Variants in DIRAS3 observed in about 807,000 individuals in gnomAD.
DIRAS3 encodes the protein GTP-binding protein Di-Ras3.
For missense variants in DIRAS3, 248 were observed against 300.6 expected, an observed-to-expected ratio of 0.83 and a Z score of 1.29; for synonymous variants, 133 against 131.4, an observed-to-expected ratio of 1.01 and a Z score of -0.08.
rs963127067 is a variant in DIRAS3, at chr1:68,046,102, C to T, written c.*506G>A. On this transcript the variant is annotated 3_prime_UTR_variant, in exon 2 of 2. Coordinates refer to ENST00000646789, the MANE Select transcript of DIRAS3 (RefSeq NM_004675.5). ...AGTCACTTTCACAATTTTCTCTGCTCCCACACCCCTAATGATCAACATATT... is the reference window on the plus strand; with the variant it reads ...AGTCACTTTCACAATTTTCTCTGCTTCCACACCCCTAATGATCAACATATT... The T allele has an allele frequency of 2.0e-5, 3 of 153,400 alleles. No homozygotes were observed. Among genetic ancestry groups the T allele is most frequent in the Non-Finnish European group, 2.9e-5 (2 of 68,974 alleles). The allele number at this position is 153,400 out of a possible 1,614,324, so 9.5% of individuals were successfully genotyped here.
rs759605194 is a variant in DIRAS3, at chr1:68,046,845, G to A, written c.453C>T (p.Gly151=). 4.3e-6 allele frequency: 7 copies of A among 1,614,110 alleles called. No homozygotes were observed. In the South Asian group the frequency reaches 5.5e-5, roughly 13 times the overall value. ...CCCGGTGGGTGTCATCACTTTTATT[G>A]CCCACCAGCACGATGGGGAACTTAT... is the stretch of plus-strand genomic sequence containing the variant. ...NLHKFPIVLV[G]NKSDDTHREV... Residue 151 remains glycine (G), a synonymous_variant, in exon 2 of 2, where the codon GGC becomes GGT. Coordinates refer to ENST00000646789, the MANE Select transcript of DIRAS3 (RefSeq NM_004675.5).
At position 68,046,546 on chromosome 1, in the gene DIRAS3, A is replaced by T; in HGVS notation, c.*62T>A. 1 of 1,472,768 alleles carries T rather than the reference A, an allele frequency of 6.8e-7. No individual in the cohort carries two copies. The highest frequency in any genetic ancestry group is 9.3e-7 in the Non-Finnish European group (1 of 1,080,756). 91.2% of individuals were successfully genotyped at this position (1,472,768 alleles called of 1,614,324 possible). ...TCAACCATGTACATGTAACATAGTG[A>T]AATGAGTCCACGTTTTCTACACGCT... On this transcript the variant is annotated 3_prime_UTR_variant, in exon 2 of 2. Transcript: ENST00000646789.
intron 1 of DIRAS3, 99 bp from the exon 2 acceptor site, chr1:68,047,461 A>G: frequency 3.1e-6 from 2 of 653,750 alleles, no homozygotes; most frequent in Non-Finnish European, 5.2e-6. Flanking sequence ...CTCTGAAGAG[A>G]GTCCACCCTG....
At position 68,047,043 on chromosome 1, in the gene DIRAS3, A is replaced by C. The variant is rs746337044; in HGVS notation, c.255T>G (p.Leu85=). The change falls in exon 2 of 2, where the codon CTT becomes CTG. Residue 85 remains leucine, a synonymous_variant. Coordinates refer to ENST00000646789, the MANE Select transcript of DIRAS3 (RefSeq NM_004675.5). ...CQLLGCSHGV[L]SLHITDSKSG... ...TCTTGCTGTCGGTGATGTGCAGGGA[A>C]AGCACACCGTGGCTGCAGCCCAGCA... The C allele has an allele frequency of 6.2e-7, 1 of 1,614,156 alleles. No individual in the cohort carries two copies. Among genetic ancestry groups the C allele is most frequent in the South Asian group, 1.1e-5 (1 of 91,078 alleles).
Position 68,047,180 on chromosome 1 carries a change from C to G in DIRAS3, c.118G>C (p.Val40Leu). ...ACACCAGCGGTGCCGACTACCACGA[C>G]GCGGTAATCTCTGATCTTCCTGTGG... ...KPHRKIRDYR[V>L]VVVGTAGVGK... is the part of the protein sequence containing the mutation. The change falls in exon 2 of 2, where the codon GTC (valine) becomes CTC (leucine). Residue 40 changes from valine (V) to leucine (L), a missense_variant. Coordinates refer to ENST00000646789, the MANE Select transcript of DIRAS3 (RefSeq NM_004675.5). The G allele has an allele frequency of 6.2e-7, 1 of 1,614,168 alleles. No individual in the cohort carries two copies. The highest frequency in any genetic ancestry group is 8.5e-7 in the Non-Finnish European group (1 of 1,180,034).
intron 1 of DIRAS3, among the ~76,000 whole-genome samples, chr1:68,047,638 T>G (rs1341713836): frequency 6.6e-6 from 1 of 152,042 alleles, no homozygotes; most frequent in African/African-American, 2.4e-5. Context: ...CTTAAACTGT[T>G]TTATTAAATT....
chr1:68,047,145 A>G lies in DIRAS3; in HGVS notation c.153T>C (p.Ser51=). The G allele has an allele frequency of 6.2e-7, 1 of 1,614,168 alleles. No individual in the cohort carries two copies. The highest frequency in any genetic ancestry group is 1.1e-5 in the South Asian group (1 of 91,074). The change falls in exon 2 of 2, where the codon AGT becomes AGC. Residue 51 remains serine (S), a synonymous_variant. Coordinates refer to ENST00000646789, the MANE Select transcript of DIRAS3 (RefSeq NM_004675.5). ...CGCTCGCCCACTTGTGCAGCAGCGTACTTTTCCCCACACCAGCGGTGCCGA... is the reference window on the plus strand; with the variant it reads ...CGCTCGCCCACTTGTGCAGCAGCGTGCTTTTCCCCACACCAGCGGTGCCGA... ...VVVGTAGVGK[S]TLLHKWASGN...
In DIRAS3 at chr1:68,046,890, C is replaced by T; in HGVS notation, c.408G>A (p.Lys136=). The part of the protein sequence containing the change: ...ELKAFYELIC[K]IKGNNLHKFP... The stretch of plus-strand genomic sequence containing the variant: ...ACTTATGCAGGTTGTTACCTTTGAT[C>T]TTGCAGATCAGCTCATAGAAGGCCT... Residue 136 remains lysine (K), a synonymous_variant, in exon 2 of 2, where the codon AAG becomes AAA. Transcript: ENST00000646789. 1 of 1,614,190 alleles carries T rather than the reference C, an allele frequency of 6.2e-7. No individual in the cohort carries two copies. Among genetic ancestry groups the T allele is most frequent in the Admixed American group, 1.7e-5 (1 of 60,028 alleles).
At position 68,050,112 on chromosome 1, in the gene DIRAS3, A is replaced by C. The variant is rs1645719088; in HGVS notation, c.-66+436T>G. Reference sequence around the variant, plus strand: ...GTCCCGCCGCTGCTGTTGCGGCACCAGCCTGGCTCATGGACATCACCACGC... The same window carrying C: ...GTCCCGCCGCTGCTGTTGCGGCACCCGCCTGGCTCATGGACATCACCACGC... On this transcript the variant is annotated intron_variant, in intron 1 of 1. Transcript: ENST00000646789. This position sits in a 1 kb window ranked among gnomAD's most constrained non-coding sequence, Gnocchi z 4.5. Among the ~76,000 whole-genome samples, 1 of 152,172 alleles carries C rather than the reference A, an allele frequency of 6.6e-6. No homozygotes were observed. Among genetic ancestry groups the C allele is most frequent in the Non-Finnish European group, 1.5e-5 (1 of 68,028 alleles).
intron 1 of DIRAS3, among the ~76,000 whole-genome samples, chr1:68,048,034 A>AG (rs1173984174): frequency 3.4e-5 from 2 of 59,216 alleles, no homozygotes; most frequent in African/African-American, 1.6e-4. Flanking sequence ...AAAAAAAAAA[A>AG]AAAAAAAAAA....
rs1645683601 is a variant in DIRAS3, at chr1:68,047,291, T to C, written c.7A>G (p.Asn3Asp). Residue 3 changes from asparagine (N) to aspartate (D), a missense_variant, in exon 2 of 2, where the codon AAC becomes GAC. Transcript: ENST00000646789. ...TGTTCCTTGGAGCCAAAGCTGGCGT[T>C]ACCCATCGTTGGGATTCGGAGGGGA... is the stretch of plus-strand genomic sequence containing the variant. MG[N>D]ASFGSKEQKL... 6.2e-7 allele frequency: 1 copy of C among 1,612,534 alleles called. No homozygotes were observed. The highest frequency in any genetic ancestry group is 8.5e-7 in the Non-Finnish European group (1 of 1,179,032).
chr1:68,049,342 G>C (rs1395072212), intron 1 of DIRAS3: 2 of 152,232 alleles, frequency 1.3e-5, no homozygotes, highest in African/African-American at 4.8e-5. Context: ...GATGTGGTTA[G>C]TTGATATCAT....
intron 1 of DIRAS3, among the ~76,000 whole-genome samples, chr1:68,048,049 A>AAATATAT (rs1553173941): frequency 8.2e-4 from 6 of 7,274 alleles, no homozygotes; most frequent in Non-Finnish European, 1.2e-3. Flanking sequence ...AAAAAAAAAA[A>AAATATAT]ATATATATAT....
At chr1:68,048,745 G>GT (rs377137365) in intron 1 of DIRAS3, among the ~76,000 whole-genome samples, 2,618 of 109,712 alleles carry the variant, frequency 0.024, 31 homozygotes, top group Middle Eastern at 0.059. Context: ...TTTTTTTTTT[G>GT]TTTTTTTTTT....
chr1:68,048,256 T>C (rs1645699125), intron 1 of DIRAS3, among the ~76,000 whole-genome samples: 1 of 151,632 alleles, frequency 6.6e-6, no homozygotes, highest in African/African-American at 2.4e-5. Flanking sequence ...GTCAATGAAC[T>C]TTTTGAGTTC....
intron 1 of DIRAS3, among the ~76,000 whole-genome samples, chr1:68,047,866 T>C (rs571660639): frequency 6.8e-6 from 1 of 147,886 alleles, no homozygotes; most frequent in Admixed American, 6.7e-5. Context: ...GTATCAGTGG[T>C]GTGGGATGTA....
chr1:68,047,206 G>A lies in DIRAS3; in HGVS notation c.92C>T (p.Pro31Leu), dbSNP rs1279227921. 3 of 1,614,126 alleles carry A rather than the reference G, an allele frequency of 1.9e-6. No individual in the cohort carries two copies. Among genetic ancestry groups the A allele is most frequent in the Non-Finnish European group, 1.7e-6 (2 of 1,180,038 alleles). The change falls in exon 2 of 2, where the codon CCC (proline) becomes CTC (leucine). Residue 31 changes from proline to leucine, a missense_variant. Transcript: ENST00000646789. ...GCGGTAATCTCTGATCTTCCTGTGG[G>A]GCTTGAAGGCGCGGAGGATAAGCAG... is the stretch of plus-strand genomic sequence containing the variant. Reference protein sequence around the residue: ...PALLILRAFKPHRKIRDYRVV... With the variant: ...PALLILRAFKLHRKIRDYRVV...
chr1:68,050,594 C>G lies in DIRAS3; in HGVS notation c.-112G>C, dbSNP rs1305702158. 3 of 152,252 alleles carry G rather than the reference C, an allele frequency of 2.0e-5. No individual in the cohort carries two copies. The highest frequency in any genetic ancestry group is 4.4e-5 in the Non-Finnish European group (3 of 68,052). The allele number at this position is 152,252 out of a possible 1,614,324, so 9.4% of individuals were successfully genotyped here. A position where few individuals can be genotyped will look rare whatever the true frequency, so the allele number is the denominator to read the frequency against. On this transcript the variant is annotated 5_prime_UTR_variant, in exon 1 of 2. Coordinates refer to ENST00000646789, the MANE Select transcript of DIRAS3 (RefSeq NM_004675.5). This position sits in a 1 kb window ranked among gnomAD's most constrained non-coding sequence, Gnocchi z 4.5. ...AGCAGCCTAGAAGACAAATGCGCTG[C>G]TCGGAGAGACTGCCGCGGCAACCAA...
Position 68,047,331 on chromosome 1 carries a change from T to G in DIRAS3, c.-34A>C. The G allele has an allele frequency of 6.3e-7, 1 of 1,584,968 alleles. No individual in the cohort carries two copies. The highest frequency in any genetic ancestry group is 8.6e-7 in the Non-Finnish European group (1 of 1,160,368). ...TTCGGAGGGGAGATACGTGCACAAG[T>G]TCTCCCACACTTAGCTGGCAGCAGG... is the stretch of plus-strand genomic sequence containing the variant. On this transcript the variant is annotated 5_prime_UTR_variant, in exon 2 of 2. Coordinates refer to ENST00000646789, the MANE Select transcript of DIRAS3 (RefSeq NM_004675.5).
Sources: gnomAD v4.1 joint callset for allele counts (sites outside exome capture counted in the v4.1 genomes callset) on GRCh38, gnomAD v4.1.1 for gene constraint, Gnocchi (gnomAD v3.1) non-coding constraint, MANE v1.5 for transcripts, NCBI Gene and HGNC (gene_info 2026-07-23, HGNC 2026-07-21) for gene names.